BMPR1B: variants seen among roughly 807,000 people sequenced by gnomAD.
BMPR1B encodes the protein bone morphogenetic protein receptor type-1B.
BMPR1B carries 12 observed loss-of-function variants against 59.1 expected under a neutral mutation model. The ratio of observed to expected loss-of-function variants is 0.20; its 90% CI spans 0.13 to 0.33. The LOEUF (loss-of-function observed/expected upper bound fraction) is 0.33, where lower values mean the gene tolerates loss of function less well. Ranked by LOEUF, BMPR1B falls within the 10% of genes least tolerant of loss-of-function variation. The probability of loss-of-function intolerance (pLI) is 1.00; values close to 1 mark genes in which losing one functional copy is unlikely to be tolerated. For synonymous variants in BMPR1B, 237 were observed against 207.3 expected (o/e 1.14, Z -1.23); for missense variants, 550 against 610.9 (o/e 0.90, Z 1.05).
chr4:95,116,671 A>G (rs1045507107), intron 6 of BMPR1B, among the ~76,000 whole-genome samples: 1 of 149,498 alleles, frequency 6.7e-6, no homozygotes, highest in Non-Finnish European at 1.5e-5. Flanking sequence ...GCTGGAGTGC[A>G]TGGTGTCATC....
In BMPR1B at chr4:94,989,205, AT is replaced by A. The variant is rs529696989; in HGVS notation, c.-112-6833del. ...AGAGATCGAGACCATCCTGGCCAACATTGTGAAACCCCGTCTCTACTAAAAA... is the reference window on the plus strand; with the variant it reads ...AGAGATCGAGACCATCCTGGCCAACATGTGAAACCCCGTCTCTACTAAAAA... On this transcript the variant is annotated intron_variant, in intron 2 of 12. Transcript: ENST00000515059. Among the ~76,000 whole-genome samples, 350 of 152,054 alleles carry A rather than the reference AT, an allele frequency of 2.3e-3. 2 individuals are homozygous for A. The highest frequency in any genetic ancestry group is 0.014 in the Middle Eastern group (4 of 294).
chr4:95,010,670 A>G (rs940640313), intron 3 of BMPR1B, among the ~76,000 whole-genome samples: 10 of 152,208 alleles, frequency 6.6e-5, no homozygotes, highest in Non-Finnish European at 1.5e-4. Context: ...GATCCTTGCT[A>G]GGCAACCAAG....
intron 2 of BMPR1B, among the ~76,000 whole-genome samples, chr4:94,943,047 C>T (rs1007269126): frequency 6.6e-6 from 1 of 152,104 alleles, no homozygotes; most frequent in Admixed American, 6.5e-5. Flanking sequence ...ACAATTAGTC[C>T]TCTTAATTCT....
At position 94,790,383 on chromosome 4, in the gene BMPR1B, GT is replaced by G. The variant is rs1366576043; in HGVS notation, c.-183+32319del. Among the ~76,000 whole-genome samples, 6 of 152,304 alleles carry G rather than the reference GT, an allele frequency of 3.9e-5. No homozygotes were observed. In the East Asian group the frequency reaches 1.2e-3, roughly 29 times the overall value. ...GTGGACTAACATGATCAGATTATCAGTTTTACAAAAATAAGTACTGAGTTTG... is the reference window on the plus strand; with the variant it reads ...GTGGACTAACATGATCAGATTATCAGTTTACAAAAATAAGTACTGAGTTTG... On this transcript the variant is annotated intron_variant, in intron 1 of 12. Coordinates refer to ENST00000515059, the MANE Select transcript of BMPR1B (RefSeq NM_001203.3).
At chr4:94,768,954 A>G (rs1722072264) in intron 1 of BMPR1B, among the ~76,000 whole-genome samples, 1 of 152,192 alleles carries the variant, frequency 6.6e-6, no homozygotes, top group African/African-American at 2.4e-5. Flanking sequence ...TCTTTGATAT[A>G]CAAAAATCTA....
chr4:95,124,317 A>G (rs1732749982), intron 7 of BMPR1B, among the ~76,000 whole-genome samples: 1 of 152,104 alleles, frequency 6.6e-6, no homozygotes, highest in Non-Finnish European at 1.5e-5. Context: ...AATCATTAAA[A>G]TAAGGTCCTT....
At chr4:94,921,315 G>A (rs1728677558) in intron 2 of BMPR1B, among the ~76,000 whole-genome samples, 1 of 152,136 alleles carries the variant, frequency 6.6e-6, no homozygotes, top group Non-Finnish European at 1.5e-5. Context: ...TATTCTATAG[G>A]AAGACAAGTG....
At chr4:94,799,733 C>G (rs1723334744) in intron 1 of BMPR1B, among the ~76,000 whole-genome samples, 1 of 151,772 alleles carries the variant, frequency 6.6e-6, no homozygotes, top group Non-Finnish European at 1.5e-5. Flanking sequence ...CTCTGTCACC[C>G]AGGCTGGAGT....
chr4:95,057,280 C>G (rs1420254492), intron 3 of BMPR1B, among the ~76,000 whole-genome samples: 2 of 152,016 alleles, frequency 1.3e-5, no homozygotes, highest in African/African-American at 2.4e-5. Flanking sequence ...GAATCTCACT[C>G]TGTCACCAGG....
At chr4:94,874,810 G>T (rs1314569664) in intron 1 of BMPR1B, among the ~76,000 whole-genome samples, 1 of 152,178 alleles carries the variant, frequency 6.6e-6, no homozygotes, top group South Asian at 2.1e-4. Context: ...TGACCAATAT[G>T]GTGAAACGCC....
chr4:95,097,590 T>C (rs1730521317), intron 3 of BMPR1B, among the ~76,000 whole-genome samples: 1 of 152,116 alleles, frequency 6.6e-6, no homozygotes, highest in African/African-American at 2.4e-5. Flanking sequence ...CAGGCTGGAG[T>C]GCAGTGGTGT....
intron 1 of BMPR1B, among the ~76,000 whole-genome samples, chr4:94,785,010 A>G (rs1722714317): frequency 6.6e-6 from 1 of 152,200 alleles, no homozygotes; most frequent in Non-Finnish European, 1.5e-5. Flanking sequence ...ATATTAATAC[A>G]AGAAAGTTAT....
chr4:95,141,296 T>C (rs1734215058), intron 10 of BMPR1B, among the ~76,000 whole-genome samples: 1 of 152,248 alleles, frequency 6.6e-6, no homozygotes, highest in East Asian at 1.9e-4. Flanking sequence ...TGTGCACATA[T>C]GCATGGATAT....
At chr4:95,118,150 G>A (rs574766961) in intron 6 of BMPR1B, among the ~76,000 whole-genome samples, 1 of 152,298 alleles carries the variant, frequency 6.6e-6, no homozygotes, top group Admixed American at 6.5e-5. Flanking sequence ...TGCTTTGCCA[G>A]TGCCTAGGCA....
intron 2 of BMPR1B, among the ~76,000 whole-genome samples, chr4:94,937,707 A>AACACACACGC (rs71583673): frequency 1.3e-5 from 2 of 151,084 alleles, no homozygotes; most frequent in Non-Finnish European, 2.9e-5. Flanking sequence ...TATATGTATA[A>AACACACACGC]ACACACACAC....
At chr4:94,922,382 A>G (rs1015848800) in intron 2 of BMPR1B, among the ~76,000 whole-genome samples, 6 of 152,116 alleles carry the variant, frequency 3.9e-5, no homozygotes, top group Admixed American at 2.6e-4. Flanking sequence ...TTCTCATTCT[A>G]TTGTGCTGTC....
intron 2 of BMPR1B, among the ~76,000 whole-genome samples, chr4:94,938,894 C>CTA (rs1361184274): frequency 6.6e-6 from 1 of 151,982 alleles, no homozygotes; most frequent in Non-Finnish European, 1.5e-5. Flanking sequence ...GCCTGTAGTC[C>CTA]TAGCTACTTG....
Position 94,838,897 on chromosome 4 carries a change from A to G in BMPR1B, c.-182-36934A>G, listed in dbSNP as rs956092066. On this transcript the variant is annotated intron_variant, in intron 1 of 12. Transcript: ENST00000515059. ...TTCCTGCTTTCTCTTGTGGGCATTT[A>G]GTGCTATAAATTTCTCTCTACACAC... is the stretch of plus-strand genomic sequence containing the variant. 2.2e-4 allele frequency among the ~76,000 whole-genome samples: 31 copies of G among 141,422 alleles called. 4 individuals are homozygous for G. The highest frequency in any genetic ancestry group is 5.6e-4 in the Admixed American group (8 of 14,246). 92.8% of individuals were successfully genotyped at this position (141,422 alleles called of 152,430 possible). A position where few individuals can be genotyped will look rare whatever the true frequency, so the allele number is the denominator to read the frequency against.
intron 1 of BMPR1B, among the ~76,000 whole-genome samples, chr4:94,799,072 C>A (rs1221069863): frequency 3.3e-5 from 5 of 150,982 alleles, no homozygotes; most frequent in Non-Finnish European, 7.4e-5. Context: ...GGTTTTCTCT[C>A]TAACCCAGTG....
Sources: allele counts gnomAD v4.1 joint callset (sites outside exome capture counted in the v4.1 genomes callset), GRCh38; gene constraint gnomAD v4.1.1; transcripts MANE v1.5; gene names NCBI Gene and HGNC (gene_info 2026-07-23, HGNC 2026-07-21).